Variants in PLEKHA7 observed in about 807,000 individuals in gnomAD.
The protein encoded by PLEKHA7 is pleckstrin homology domain-containing family A member 7.
A neutral mutation model predicts 170.0 loss-of-function variants in PLEKHA7; 104 were observed. The observed-to-expected ratio is 0.61, with a 90% CI of 0.52 to 0.72. PLEKHA7 has a LOEUF of 0.72. Ranked by LOEUF, PLEKHA7 falls within the 30% of genes least tolerant of loss-of-function variation. PLEKHA7 has a pLI of 0.00. For missense variants in PLEKHA7, 1,615 were observed against 1,671.7 expected, an observed-to-expected ratio of 0.97 and a Z score of 0.59; for synonymous variants, 648 against 660.8, an observed-to-expected ratio of 0.98 and a Z score of 0.30.
chr11:16,928,958 A>G (rs547490179), intron 3 of PLEKHA7, among the ~76,000 whole-genome samples: 1 of 152,340 alleles, frequency 6.6e-6, no homozygotes, highest in East Asian at 1.9e-4. Flanking sequence ...CAAAATGTTA[A>G]CAATGTCAGA....
Position 16,779,002 on chromosome 11 carries a change from G to A in PLEKHA7, c.3812C>T (p.Pro1271Leu), listed in dbSNP as rs932917049. The A allele has an allele frequency of 1.6e-5, 11 of 702,510 alleles. No individual in the cohort carries two copies. Among genetic ancestry groups the A allele is most frequent in the African/African-American group, 7.0e-5 (4 of 57,276 alleles). The allele number at this position is 702,510 out of a possible 1,614,324, so 43.5% of individuals were successfully genotyped here. The change falls in exon 27 of 27, where the codon CCG becomes CTG. Residue 1271 changes from proline to leucine, a missense_variant. By Grantham distance (98) the Pro-to-Leu change is moderately conservative (BLOSUM62 -3). Transcript: ENST00000531066. ...CAGGCTTCTTTGCATGCTGGGTCAC[G>A]GGTCAGTCACTGCCTGGGCTGGCAA... ...KQVAAQAVTD[P>L]
At chr11:16,957,660 T>C (rs1861776254) in intron 3 of PLEKHA7, among the ~76,000 whole-genome samples, 1 of 151,852 alleles carries the variant, frequency 6.6e-6, no homozygotes, top group Non-Finnish European at 1.5e-5. Flanking sequence ...AAATAGTTAA[T>C]TTTATATTAC....
chr11:16,939,616 A>G (rs930210657), intron 3 of PLEKHA7, among the ~76,000 whole-genome samples: 7 of 152,248 alleles, frequency 4.6e-5, no homozygotes, highest in South Asian at 2.1e-4. Context: ...TTAAAGAAAT[A>G]CTGCACAGGC....
chr11:16,826,304 G>A lies in PLEKHA7; in HGVS notation c.1159C>T (p.Gln387Ter). Residue 387 changes from glutamine (Q) to a stop codon, truncating the protein, a stop_gained, in exon 10 of 27, where the codon CAG becomes TAG. Coordinates refer to ENST00000531066, the MANE Select transcript of PLEKHA7 (RefSeq NM_001329630.2). LOFTEE classifies it high-confidence loss of function. ...CCATTCTTCTCTGCCCGTTGGGGCT[G>A]TGCCTGCTGGCCTCTTGGGCCAGTG... ...LPTGPRGQQA[Q>*]PQRAEKNGML... 1 of 1,614,228 alleles carries A rather than the reference G, an allele frequency of 6.2e-7. No homozygotes were observed. Among genetic ancestry groups the A allele is most frequent in the Non-Finnish European group, 8.5e-7 (1 of 1,180,040 alleles).
intron 10 of PLEKHA7, among the ~76,000 whole-genome samples, chr11:16,824,291 T>C (rs1301604401): frequency 6.6e-6 from 1 of 152,168 alleles, no homozygotes; most frequent in Non-Finnish European, 1.5e-5. Flanking sequence ...TCTCGGCACT[T>C]TGGGAGGCCA....
intron 3 of PLEKHA7, among the ~76,000 whole-genome samples, chr11:16,933,849 A>G (rs532727710): frequency 5.9e-5 from 9 of 152,308 alleles, no homozygotes; most frequent in Non-Finnish European, 1.0e-4. Context: ...GGCTTGTAAC[A>G]AGCAAGAGCA....
At chr11:16,994,303 G>A (rs1466599867) in intron 3 of PLEKHA7, among the ~76,000 whole-genome samples, 2 of 152,150 alleles carry the variant, frequency 1.3e-5, no homozygotes, top group South Asian at 2.1e-4. Flanking sequence ...AGGGCTACCT[G>A]GAGTTGCAGT....
chr11:16,997,506 C>T (rs1864411438), intron 3 of PLEKHA7, among the ~76,000 whole-genome samples: 1 of 152,128 alleles, frequency 6.6e-6, no homozygotes, highest in South Asian at 2.1e-4. Context: ...TCTCAGACCC[C>T]AGAAACAGGA....
intron 9 of PLEKHA7, among the ~76,000 whole-genome samples, chr11:16,836,530 G>C (rs945133454): frequency 4.6e-5 from 7 of 152,242 alleles, no homozygotes; most frequent in South Asian, 2.1e-4. Context: ...TGCTACTGTT[G>C]GGGCCACCCA....
chr11:16,892,338 T>C (rs1395852802), intron 3 of PLEKHA7, among the ~76,000 whole-genome samples: 2 of 152,130 alleles, frequency 1.3e-5, no homozygotes, highest in East Asian at 1.9e-4. Flanking sequence ...TAAAAACTTA[T>C]AGCCAACTCC....
At chr11:16,814,265 G>A (rs1849583255) in intron 12 of PLEKHA7, among the ~76,000 whole-genome samples, 1 of 152,228 alleles carries the variant, frequency 6.6e-6, no homozygotes, top group African/African-American at 2.4e-5. Context: ...GGTTATTCAA[G>A]ATCACTTAGA....
At chr11:16,786,673 C>A (rs1849418311) in intron 23 of PLEKHA7, 1 of 985,266 alleles carries the variant, frequency 1.0e-6, no homozygotes, top group Non-Finnish European at 1.2e-6. Flanking sequence ...AAATAGAAGG[C>A]TCCCAGAGAG....
intron 3 of PLEKHA7, among the ~76,000 whole-genome samples, chr11:16,993,846 A>T (rs1864184437): frequency 6.6e-6 from 1 of 152,228 alleles, no homozygotes; most frequent in South Asian, 2.1e-4. Flanking sequence ...CAAAGAGAAA[A>T]GTGAAAGCCA....
intron 3 of PLEKHA7, among the ~76,000 whole-genome samples, chr11:16,884,624 G>A (rs1855941157): frequency 6.8e-6 from 1 of 148,042 alleles, no homozygotes; most frequent in Non-Finnish European, 1.5e-5. Context: ...AACAGAGTGA[G>A]ACTATGTTTA....
At chr11:16,926,921 G>C (rs1032049578) in intron 3 of PLEKHA7, among the ~76,000 whole-genome samples, 11 of 152,190 alleles carry the variant, frequency 7.2e-5, no homozygotes, top group Non-Finnish European at 1.3e-4. Context: ...AGGAATTTGG[G>C]AACCTTCACT....
At chr11:16,979,607 C>T (rs1285656392) in intron 3 of PLEKHA7, among the ~76,000 whole-genome samples, 2 of 152,074 alleles carry the variant, frequency 1.3e-5, no homozygotes, top group African/African-American at 4.8e-5. Context: ...ATTCTTTTTT[C>T]CTCCAACCCT....
At chr11:16,783,899 C>G in intron 24 of PLEKHA7, 66 bp from the exon 25 acceptor site, 4 of 1,312,440 alleles carry the variant, frequency 3.0e-6, no homozygotes, top group Non-Finnish European at 3.9e-6. Context: ...CTCGCTTTCC[C>G]CACCTCTGTC....
At chr11:16,902,305 C>T (rs538861453) in intron 3 of PLEKHA7, among the ~76,000 whole-genome samples, 5 of 152,256 alleles carry the variant, frequency 3.3e-5, no homozygotes, top group African/African-American at 4.8e-5. Flanking sequence ...CTATGAATTG[C>T]GTACAAGTTT....
chr11:16,872,563 A>G (rs1378483563), intron 3 of PLEKHA7, among the ~76,000 whole-genome samples: 1 of 152,112 alleles, frequency 6.6e-6, no homozygotes, highest in Non-Finnish European at 1.5e-5. Flanking sequence ...TCTGTTGCCC[A>G]GGTGGGAATG....
Sources: gnomAD v4.1 joint callset for allele counts (sites outside exome capture counted in the v4.1 genomes callset) on GRCh38, gnomAD v4.1.1 for gene constraint, MANE v1.5 for transcripts, NCBI Gene and HGNC (gene_info 2026-07-23, HGNC 2026-07-21) for gene names.